Variants in PTPRK observed in about 807,000 individuals in gnomAD.
PTPRK encodes receptor-type tyrosine-protein phosphatase kappa.
In PTPRK, 75 loss-of-function variants were observed where a neutral mutation model predicts 178.0. That is an observed-to-expected ratio of 0.42 (90% CI 0.35 to 0.51). The LOEUF is 0.51. Ranked by LOEUF, PTPRK falls within the 20% of genes least tolerant of loss-of-function variation. The probability of loss-of-function intolerance (pLI) is 0.02; values close to 1 mark genes in which losing one functional copy is unlikely to be tolerated. For synonymous variants in PTPRK, 637 were observed against 620.6 expected, an observed-to-expected ratio of 1.03 and a Z score of -0.39; for missense variants, 1,441 against 1,797.8, an observed-to-expected ratio of 0.80 and a Z score of 3.59.
At chr6:128,025,310 A>AT (rs1449883968) in intron 13 of PTPRK, among the ~76,000 whole-genome samples, 2 of 152,218 alleles carry the variant, frequency 1.3e-5, no homozygotes, top group African/African-American at 2.4e-5. Context: ...AACTTTTGTT[A>AT]TATGAAGATT....
chr6:128,422,448 G>A (rs1324907094), intron 1 of PTPRK, among the ~76,000 whole-genome samples: 1 of 151,998 alleles, frequency 6.6e-6, no homozygotes, highest in Non-Finnish European at 1.5e-5. Context: ...TTGTTCCAGA[G>A]GTCAGACTGC....
intron 7 of PTPRK, among the ~76,000 whole-genome samples, chr6:128,151,593 C>T (rs1484845381): frequency 6.6e-6 from 1 of 151,890 alleles, no homozygotes; most frequent in African/African-American, 2.4e-5. Flanking sequence ...CATATACACA[C>T]CTATTTGTCA....
intron 5 of PTPRK, among the ~76,000 whole-genome samples, chr6:128,234,596 T>G (rs1459931794): frequency 6.6e-6 from 1 of 152,248 alleles, no homozygotes; most frequent in African/African-American, 2.4e-5. Flanking sequence ...TTTTTGTGTC[T>G]GTCCTCTTTC....
intron 3 of PTPRK, among the ~76,000 whole-genome samples, chr6:128,285,450 G>T (rs548240470): frequency 6.6e-6 from 1 of 151,616 alleles, no homozygotes; most frequent in Admixed American, 6.6e-5. Context: ...GGGAGGTTTA[G>T]GTTGCAGTGA....
At chr6:128,256,748 T>C (rs1817393565) in intron 3 of PTPRK, among the ~76,000 whole-genome samples, 1 of 152,008 alleles carries the variant, frequency 6.6e-6, no homozygotes, top group Non-Finnish European at 1.5e-5. Flanking sequence ...AGGCAAACTA[T>C]TTTCTATCTG....
intron 7 of PTPRK, among the ~76,000 whole-genome samples, chr6:128,159,878 G>A (rs1798453121): frequency 6.6e-6 from 1 of 151,570 alleles, no homozygotes; most frequent in South Asian, 2.1e-4. Context: ...ATGGTAAGAT[G>A]GCATATATTT....
chr6:128,207,372 T>C (rs1807161076), intron 6 of PTPRK, among the ~76,000 whole-genome samples: 1 of 152,188 alleles, frequency 6.6e-6, no homozygotes, highest in South Asian at 2.1e-4. Context: ...ATTATGGAGC[T>C]ACTGTTCAGA....
At chr6:127,992,110 T>C (rs1057020115) in intron 19 of PTPRK, among the ~76,000 whole-genome samples, 8 of 151,808 alleles carry the variant, frequency 5.3e-5, no homozygotes, top group Admixed American at 3.9e-4. Context: ...TAACTACAGA[T>C]GCTTTTTTTG....
chr6:127,996,432 CA>C (rs1777158299), intron 17 of PTPRK, among the ~76,000 whole-genome samples: 1 of 151,986 alleles, frequency 6.6e-6, no homozygotes, highest in African/African-American at 2.4e-5. Context: ...AGGATGATGA[CA>C]ATTTCAGAAT....
At chr6:128,395,297 C>T (rs1343421068) in intron 2 of PTPRK, among the ~76,000 whole-genome samples, 1 of 152,138 alleles carries the variant, frequency 6.6e-6, no homozygotes, top group Admixed American at 6.5e-5. Context: ...TGACCTTTTT[C>T]CCTCCTCTGC....
chr6:128,104,249 C>T lies in PTPRK; in HGVS notation c.1163-14257G>A, dbSNP rs368538736. On this transcript the variant is annotated intron_variant, in intron 7 of 29. Coordinates refer to ENST00000368226, the MANE Select transcript of PTPRK (RefSeq NM_002844.4). ...TGTCTTTCCTTTTCTTTTTTTGAGA[C>T]GGAGTCTCACTCTGTCACCCAGGCT... 1.1e-4 allele frequency among the ~76,000 whole-genome samples: 16 copies of T among 152,134 alleles called. 1 individual carries two copies. The highest frequency in any genetic ancestry group is 7.7e-4 in the East Asian group (4 of 5,180).
chr6:128,392,375 A>C (rs901326797), intron 2 of PTPRK, among the ~76,000 whole-genome samples: 1 of 152,218 alleles, frequency 6.6e-6, no homozygotes, highest in Admixed American at 6.5e-5. Context: ...CAATTCAGTC[A>C]TAATTTTAAA....
At chr6:128,493,059 C>A (rs781188755) in intron 1 of PTPRK, among the ~76,000 whole-genome samples, 18 of 152,124 alleles carry the variant, frequency 1.2e-4, no homozygotes, top group Non-Finnish European at 2.4e-4. Context: ...TGCTCTCTAA[C>A]AATATCTGGC....
chr6:128,269,737 C>T (rs1819505898), intron 3 of PTPRK, among the ~76,000 whole-genome samples: 1 of 151,774 alleles, frequency 6.6e-6, no homozygotes, highest in African/African-American at 2.4e-5. Context: ...ATTACAGAGA[C>T]AATGTAATTC....
At chr6:128,173,687 C>G (rs1004639183) in intron 7 of PTPRK, among the ~76,000 whole-genome samples, 11 of 151,918 alleles carry the variant, frequency 7.2e-5, no homozygotes, top group South Asian at 4.1e-4. Context: ...AATTCACTTC[C>G]AATGTGTCAC....
intron 16 of PTPRK, 142 bp from the exon 17 acceptor site, chr6:127,997,130 G>A: frequency 1.3e-6 from 1 of 782,136 alleles, no homozygotes; most frequent in Non-Finnish European, 2.0e-6. Context: ...TTCATTCTCA[G>A]ACCTCAAAGC....
At chr6:128,438,361 C>T (rs1845873267) in intron 1 of PTPRK, among the ~76,000 whole-genome samples, 1 of 152,216 alleles carries the variant, frequency 6.6e-6, no homozygotes, top group Non-Finnish European at 1.5e-5. Context: ...CATAATAATT[C>T]TACTGTAAGT....
chr6:128,227,054 G>A (rs935373723), intron 5 of PTPRK, among the ~76,000 whole-genome samples: 1 of 152,060 alleles, frequency 6.6e-6, no homozygotes, highest in Non-Finnish European at 1.5e-5. Flanking sequence ...GTAGAGGCAT[G>A]TAAAATATCA....
chr6:128,158,573 T>A, intron 7 of PTPRK, among the ~76,000 whole-genome samples: 1 of 151,870 alleles, frequency 6.6e-6, no homozygotes, highest in Non-Finnish European at 1.5e-5. Context: ...AACGTTTGGT[T>A]CATCCACAAT....
Sources: gnomAD v4.1 joint callset for allele counts (sites outside exome capture counted in the v4.1 genomes callset) on GRCh38, gnomAD v4.1.1 for gene constraint, MANE v1.5 for transcripts, NCBI Gene and HGNC (gene_info 2026-07-23, HGNC 2026-07-21) for gene names.